Variants in AUTS2 observed in about 807,000 individuals in gnomAD.
AUTS2 encodes the protein activator of transcription and developmental regulator AUTS2.
Under a neutral mutation model 112.4 loss-of-function variants are expected in AUTS2, and 17 were observed. The observed-to-expected ratio is 0.15, with a 90% CI of 0.10 to 0.23. AUTS2 has a LOEUF of 0.23. Ranked by LOEUF, AUTS2 falls within the 10% of genes least tolerant of loss-of-function variation. The pLI is 1.00. For missense variants in AUTS2, 1,510 were observed against 1,701.6 expected, an observed-to-expected ratio of 0.89 and a Z score of 1.98; for synonymous variants, 751 against 702.7, an observed-to-expected ratio of 1.07 and a Z score of -1.09.
chr7:69,649,659 A>T (rs1795204884), intron 1 of AUTS2, among the ~76,000 whole-genome samples: 1 of 152,050 alleles, frequency 6.6e-6, no homozygotes, highest in Non-Finnish European at 1.5e-5. Context: ...CATGTGAATT[A>T]TGTTTTGATG....
chr7:69,954,025 A>C (rs1023634118), intron 2 of AUTS2, among the ~76,000 whole-genome samples: 8 of 152,114 alleles, frequency 5.3e-5, no homozygotes, highest in African/African-American at 1.9e-4. Context: ...TGTTTGCTCC[A>C]TTCTTCCCCA....
chr7:69,629,382 T>G (rs867445209), intron 1 of AUTS2, among the ~76,000 whole-genome samples: 1 of 152,328 alleles, frequency 6.6e-6, no homozygotes, highest in Middle Eastern at 3.4e-3. Flanking sequence ...TGACAGACCT[T>G]GCTAGCTCTC....
chr7:69,701,395 A>G (rs1420506803), intron 1 of AUTS2, among the ~76,000 whole-genome samples: 2 of 152,218 alleles, frequency 1.3e-5, no homozygotes, highest in African/African-American at 2.4e-5. Flanking sequence ...TTCAGCCAGT[A>G]TTTGAGTGCT....
At chr7:70,760,163 G>A (rs1318777767) in intron 6 of AUTS2, among the ~76,000 whole-genome samples, 2 of 151,986 alleles carry the variant, frequency 1.3e-5, no homozygotes, top group Non-Finnish European at 2.9e-5. Flanking sequence ...CCGCCACCAC[G>A]CCCGGCTAAT....
intron 1 of AUTS2, among the ~76,000 whole-genome samples, chr7:69,669,733 C>CTT (rs140398759): frequency 3.3e-5 from 5 of 151,476 alleles, no homozygotes; most frequent in Admixed American, 6.6e-5. Context: ...AACAATTTCA[C>CTT]TTTTTTTTTC....
At chr7:69,701,068 A>G (rs992443130) in intron 1 of AUTS2, among the ~76,000 whole-genome samples, 4 of 152,134 alleles carry the variant, frequency 2.6e-5, no homozygotes, top group Admixed American at 6.5e-5. Context: ...TGCTAGATGT[A>G]TCACCTCGGA....
At chr7:70,640,664 G>A (rs1805779460) in intron 5 of AUTS2, among the ~76,000 whole-genome samples, 1 of 152,116 alleles carries the variant, frequency 6.6e-6, no homozygotes, top group African/African-American at 2.4e-5. Context: ...GGCGGGGATT[G>A]AAAGACGGCT....
chr7:70,386,902 A>G (rs957510447), intron 4 of AUTS2, among the ~76,000 whole-genome samples: 1 of 152,078 alleles, frequency 6.6e-6, no homozygotes, highest in African/African-American at 2.4e-5. Context: ...CCCTTCCCAG[A>G]TTTACCCAAT....
chr7:70,440,997 G>A (rs1031993480), intron 5 of AUTS2, among the ~76,000 whole-genome samples: 4 of 152,140 alleles, frequency 2.6e-5, no homozygotes, highest in South Asian at 2.1e-4. Flanking sequence ...ATTTTTCCCC[G>A]TGTTTAATGC....
At chr7:70,679,993 C>T (rs1035462265) in intron 5 of AUTS2, among the ~76,000 whole-genome samples, 2 of 152,198 alleles carry the variant, frequency 1.3e-5, no homozygotes, top group African/African-American at 4.8e-5. Flanking sequence ...AGGAGGCTCA[C>T]TTGTACCTTG....
At chr7:69,896,940 AC>A (rs764904012) in intron 1 of AUTS2, among the ~76,000 whole-genome samples, 2 of 151,956 alleles carry the variant, frequency 1.3e-5, no homozygotes. Flanking sequence ...AGCACCCATA[AC>A]CTATCCTTTA....
intron 2 of AUTS2, among the ~76,000 whole-genome samples, chr7:69,954,187 A>G (rs1389121538): frequency 1.3e-5 from 2 of 152,220 alleles, no homozygotes; most frequent in African/African-American, 4.8e-5. Flanking sequence ...TTCTTTTTAT[A>G]GTGAGAATAC....
intron 4 of AUTS2, among the ~76,000 whole-genome samples, chr7:70,296,840 A>AT (rs11309209): frequency 0.013 from 1,699 of 127,942 alleles, 32 homozygotes; most frequent in African/African-American, 0.036. Context: ...CTGGGTATAC[A>AT]TTTTTTTTTT....
chr7:69,793,183 A>G (rs1335087870), intron 1 of AUTS2, among the ~76,000 whole-genome samples: 1 of 152,206 alleles, frequency 6.6e-6, no homozygotes, highest in Non-Finnish European at 1.5e-5. Flanking sequence ...ACTAGGGAAG[A>G]GGTGGCCTGC....
intron 5 of AUTS2, among the ~76,000 whole-genome samples, chr7:70,459,320 G>C (rs1280665885): frequency 6.6e-6 from 1 of 152,150 alleles, no homozygotes; most frequent in East Asian, 1.9e-4. Context: ...TTCTTGATTA[G>C]GAAGACTCTG....
In AUTS2 at chr7:70,694,963, T is replaced by C. The variant is rs1808995756; in HGVS notation, c.691-3606T>C. On this transcript the variant is annotated intron_variant, in intron 5 of 18. Transcript: ENST00000342771. This position sits in a 1 kb window ranked among gnomAD's most constrained non-coding sequence, Gnocchi z 4.1. ...TTTTGGTGGTTTCCCCCCTGGTCTT[T>C]GACGATCGCCCTTCGGGAGCCCTGC... is the stretch of plus-strand genomic sequence containing the variant. 6.6e-6 allele frequency: 1 copy of C among 152,402 alleles called. No individual in the cohort carries two copies. Among genetic ancestry groups the C allele is most frequent in the Admixed American group, 6.5e-5 (1 of 15,282 alleles). 9.4% of individuals were successfully genotyped at this position (152,402 alleles called of 1,614,324 possible).
chr7:70,142,839 T>C (rs1806935594), intron 4 of AUTS2, among the ~76,000 whole-genome samples: 1 of 152,194 alleles, frequency 6.6e-6, no homozygotes, highest in Non-Finnish European at 1.5e-5. Context: ...CTTATCCTTG[T>C]TGGAGATTTC....
At chr7:70,358,014 G>A (rs1434882206) in intron 4 of AUTS2, among the ~76,000 whole-genome samples, 1 of 152,156 alleles carries the variant, frequency 6.6e-6, no homozygotes, top group African/African-American at 2.4e-5. Flanking sequence ...AACCTTAGTG[G>A]TCACAGTCTA....
At chr7:69,891,739 T>A (rs369127116) in intron 1 of AUTS2, among the ~76,000 whole-genome samples, 2 of 150,232 alleles carry the variant, frequency 1.3e-5, no homozygotes, top group African/African-American at 2.4e-5. Flanking sequence ...TGTTAACTAT[T>A]GTTTTATGTA....
Sources: gnomAD v4.1 joint callset for allele counts (sites outside exome capture counted in the v4.1 genomes callset) on GRCh38, gnomAD v4.1.1 for gene constraint, Gnocchi (gnomAD v3.1) non-coding constraint, MANE v1.5 for transcripts, NCBI Gene and HGNC (gene_info 2026-07-23, HGNC 2026-07-21) for gene names.